RFC1: variants seen among roughly 807,000 people sequenced by gnomAD.
The protein encoded by RFC1 is replication factor C subunit 1, also known as A1 140 kDa subunit.
In RFC1, 37 loss-of-function variants were observed where a neutral mutation model predicts 137.4. The ratio of observed to expected loss-of-function variants is 0.27; its 90% confidence interval spans 0.21 to 0.35. RFC1 has a LOEUF of 0.35. Among genes scored for constraint, RFC1 ranks in the 10% least tolerant of loss-of-function variants. The pLI is 1.00. For missense variants in RFC1, 1,205 were observed against 1,358.5 expected, an observed-to-expected ratio of 0.89 and a Z score of 1.78; for synonymous variants, 429 against 455.7, an observed-to-expected ratio of 0.94 and a Z score of 0.75.
At chr4:39,346,337 G>A (rs1342708207) in intron 2 of RFC1, among the ~76,000 whole-genome samples, 7 of 152,106 alleles carry the variant, frequency 4.6e-5, no homozygotes, top group Admixed American at 3.9e-4. Context: ...TTAGCCAGGC[G>A]TGGTGGTACA....
At chr4:39,303,727 T>G (rs1316529511) in intron 15 of RFC1, among the ~76,000 whole-genome samples, 1 of 152,268 alleles carries the variant, frequency 6.6e-6, no homozygotes, top group Admixed American at 6.5e-5. Context: ...GTGCTGGGAT[T>G]ACAGGCGTGA....
chr4:39,354,485 G>A (rs1383179491), intron 1 of RFC1, among the ~76,000 whole-genome samples: 1 of 152,086 alleles, frequency 6.6e-6, no homozygotes, highest in Non-Finnish European at 1.5e-5. Flanking sequence ...GCATATGAGT[G>A]GAGAAAGGAA....
At chr4:39,300,703 T>C (rs554216765) in intron 19 of RFC1, among the ~76,000 whole-genome samples, 1 of 152,332 alleles carries the variant, frequency 6.6e-6, no homozygotes, top group African/African-American at 2.4e-5. Context: ...GCAACCAAGA[T>C]GTCCTTTTAG....
At position 39,321,394 on chromosome 4, in the gene RFC1, G is replaced by T. The variant is rs180756878; in HGVS notation, c.721-20C>A. ...TCGAGCCTAAACAAATTTTAAAAGT[G>T]TCAAATGTGACAAATAATAGAAAAA... On this transcript the variant is annotated intron_variant, in intron 7 of 24. Coordinates refer to ENST00000349703, the MANE Select transcript of RFC1 (RefSeq NM_002913.5). 85 of 1,597,118 alleles carry T rather than the reference G, an allele frequency of 5.3e-5. No individual in the cohort carries two copies. The African/African-American group carries it at 1.1e-3, about 20-fold the overall frequency.
At chr4:39,308,022 AAAT>A (rs1276637227) in intron 13 of RFC1, among the ~76,000 whole-genome samples, 1 of 152,184 alleles carries the variant, frequency 6.6e-6, no homozygotes, top group African/African-American at 2.4e-5. Flanking sequence ...TCTCCACGAC[AAAT>A]AATACATCAT....
chr4:39,344,403 T>C (rs1417078309), intron 3 of RFC1, among the ~76,000 whole-genome samples: 1 of 152,204 alleles, frequency 6.6e-6, no homozygotes, highest in Non-Finnish European at 1.5e-5. Flanking sequence ...AAAAACAGTA[T>C]TCTAAGGCAC....
At chr4:39,295,248 T>C (rs1737920536) in intron 22 of RFC1, among the ~76,000 whole-genome samples, 1 of 152,236 alleles carries the variant, frequency 6.6e-6, no homozygotes, top group African/African-American at 2.4e-5. Context: ...AGTTCATTTC[T>C]TTAAATAGTT....
At chr4:39,343,125 C>A (rs1402740978) in intron 3 of RFC1, among the ~76,000 whole-genome samples, 1 of 152,144 alleles carries the variant, frequency 6.6e-6, no homozygotes, top group Non-Finnish European at 1.5e-5. Context: ...CAGGTTCAAG[C>A]GATTCTCCTG....
chr4:39,336,148 T>G (rs745997185), intron 4 of RFC1, among the ~76,000 whole-genome samples: 1 of 152,140 alleles, frequency 6.6e-6, no homozygotes, highest in Non-Finnish European at 1.5e-5. Flanking sequence ...TAAAAGAGAA[T>G]TGAAGAACAA....
At chr4:39,302,416 A>T (rs764425457) in intron 18 of RFC1, 40 bp from the exon 19 acceptor site, 1 of 1,546,848 alleles carries the variant, frequency 6.5e-7, no homozygotes, top group African/African-American at 1.4e-5. Flanking sequence ...AGATAGGAAA[A>T]TCCTGTTGCT....
intron 2 of RFC1, among the ~76,000 whole-genome samples, chr4:39,345,951 C>T (rs1244829678): frequency 6.6e-6 from 1 of 152,100 alleles, no homozygotes; most frequent in Non-Finnish European, 1.5e-5. Context: ...CAGTAATATA[C>T]CCTTATTGGC....
intron 2 of RFC1, among the ~76,000 whole-genome samples, chr4:39,348,372 G>A (rs1052506641): frequency 2.8e-4 from 40 of 142,950 alleles, no homozygotes; most frequent in African/African-American, 9.5e-4. Flanking sequence ...GCAGTGAGCC[G>A]AGATTGCGCC....
intron 2 of RFC1, among the ~76,000 whole-genome samples, chr4:39,348,415 T>G (rs1477660589): frequency 1.5e-5 from 1 of 65,114 alleles, no homozygotes; most frequent in African/African-American, 6.9e-5. Context: ...AGAGCAAGAC[T>G]CTGTTTCAAA....
intron 7 of RFC1, chr4:39,322,272 GTAACACATGCCT>G (rs994217974): frequency 5.3e-5 from 8 of 152,150 alleles, no homozygotes; most frequent in African/African-American, 1.7e-4. Flanking sequence ...GCTGGGTGTG[GTAACACATGCCT>G]GTAGTCCCAG....
chr4:39,361,441 C>A (rs1395029538), intron 1 of RFC1, among the ~76,000 whole-genome samples: 1 of 152,078 alleles, frequency 6.6e-6, no homozygotes, highest in Non-Finnish European at 1.5e-5. Flanking sequence ...AGGCCTTATA[C>A]CTTGGAAGCA....
At chr4:39,355,027 A>G (rs1741392035) in intron 1 of RFC1, among the ~76,000 whole-genome samples, 1 of 150,740 alleles carries the variant, frequency 6.6e-6, no homozygotes, top group Admixed American at 6.6e-5. Context: ...TGTTGCAGTA[A>G]GCCAAGAATG....
chr4:39,355,138 A>ACACACAG (rs1560624350), intron 1 of RFC1, among the ~76,000 whole-genome samples: 2 of 102,808 alleles, frequency 1.9e-5, no homozygotes, highest in East Asian at 5.1e-4. Context: ...CACACACACA[A>ACACACAG]CAGGCCAGGT....
At chr4:39,330,262 T>C (rs988602961) in intron 4 of RFC1, among the ~76,000 whole-genome samples, 1 of 152,158 alleles carries the variant, frequency 6.6e-6, no homozygotes, top group Non-Finnish European at 1.5e-5. Flanking sequence ...TATCTAATGA[T>C]ATGTAAAAAT....
chr4:39,314,535 A>G (rs1383913232), intron 10 of RFC1, among the ~76,000 whole-genome samples: 1 of 151,926 alleles, frequency 6.6e-6, no homozygotes, highest in Admixed American at 6.6e-5. Context: ...CATTCCCTCC[A>G]TAGCCTTGCC....
Sources: allele counts gnomAD v4.1 joint callset (sites outside exome capture counted in the v4.1 genomes callset), GRCh38; gene constraint gnomAD v4.1.1; transcripts MANE v1.5; gene names NCBI Gene and HGNC (gene_info 2026-07-23, HGNC 2026-07-21).